LIMCH1: variants seen among roughly 807,000 people sequenced by gnomAD.
The protein encoded by LIMCH1 is LIM and calponin homology domains 1.
A neutral mutation model predicts 176.5 loss-of-function variants in LIMCH1; 113 were observed. The observed-to-expected ratio is 0.64, with a 90% CI of 0.55 to 0.75. LIMCH1 has a LOEUF of 0.75. Ranked by LOEUF, LIMCH1 falls within the 30% of genes least tolerant of loss-of-function variation. The pLI is 0.00. For missense variants in LIMCH1, 1,674 were observed against 1,814.9 expected, an observed-to-expected ratio of 0.92 and a Z score of 1.41; for synonymous variants, 619 against 645.9, an observed-to-expected ratio of 0.96 and a Z score of 0.63.
chr4:41,596,900 G>A (rs1424678217), intron 1 of LIMCH1, among the ~76,000 whole-genome samples: 1 of 152,124 alleles, frequency 6.6e-6, no homozygotes, highest in Non-Finnish European at 1.5e-5. Context: ...TACCCAGAAA[G>A]AAAACATCCT....
At chr4:41,590,168 C>G (rs4563532) in intron 1 of LIMCH1, among the ~76,000 whole-genome samples, 33,792 of 151,946 alleles carry the variant, frequency 0.22, 4,478 homozygotes, top group African/African-American at 0.36. Flanking sequence ...TCACGGCTCA[C>G]TTCAATTTCT....
At chr4:41,480,401 G>T (rs992113234) in intron 1 of LIMCH1, among the ~76,000 whole-genome samples, 2 of 152,134 alleles carry the variant, frequency 1.3e-5, no homozygotes, top group Non-Finnish European at 2.9e-5. Flanking sequence ...GAGGTCGAGA[G>T]ATCGAGACCA....
intron 1 of LIMCH1, among the ~76,000 whole-genome samples, chr4:41,421,770 T>C (rs1161989519): frequency 6.6e-6 from 1 of 152,144 alleles, no homozygotes; most frequent in Admixed American, 6.5e-5. Context: ...AAAAGATGAA[T>C]TAGCAATTCA....
intron 2 of LIMCH1, among the ~76,000 whole-genome samples, chr4:41,517,942 A>G (rs1051492911): frequency 1.3e-5 from 2 of 152,164 alleles, no homozygotes; most frequent in Admixed American, 6.6e-5. Flanking sequence ...TTTTGTGATC[A>G]TAGTTGCCTA....
At chr4:41,496,143 C>T (rs2072078338) in intron 2 of LIMCH1, among the ~76,000 whole-genome samples, 1 of 152,232 alleles carries the variant, frequency 6.6e-6, no homozygotes. Context: ...TGATCTAATT[C>T]ATGCAGACCA....
At position 41,638,964 on chromosome 4, in the gene LIMCH1, C is replaced by T; in HGVS notation, c.2123C>T (p.Ala708Val). Residue 708 changes from alanine (A) to valine (V), a missense_variant, in exon 14 of 32, where the codon GCA becomes GTA. Coordinates refer to ENST00000503057, the MANE Select transcript of LIMCH1 (RefSeq NM_001330672.2). The stretch of plus-strand genomic sequence containing the variant: ...CCGAGAACTCCTGTGTCTGATGACG[C>T]AGAGTAAGTTGCCTTGTATTTGTAG... Reference protein sequence around the residue: ...YGPRTPVSDDAESTSMFDMRC... With the variant: ...YGPRTPVSDDVESTSMFDMRC... 1 of 1,586,030 alleles carries T rather than the reference C, an allele frequency of 6.3e-7. No individual in the cohort carries two copies. Among genetic ancestry groups the T allele is most frequent in the Non-Finnish European group, 8.5e-7 (1 of 1,171,058 alleles).
chr4:41,551,213 GA>G (rs2080367448), intron 1 of LIMCH1: 2 of 152,176 alleles, frequency 1.3e-5, no homozygotes, highest in African/African-American at 4.8e-5. Context: ...GATGGACTGT[GA>G]GGGGAAATAT....
chr4:41,599,185 T>C, intron 2 of LIMCH1, 159 bp downstream of exon 2: 1 of 566,004 alleles, frequency 1.8e-6, no homozygotes, highest in Non-Finnish European at 3.2e-6. Flanking sequence ...TCACATTGAC[T>C]TTCCCTCTGT....
At position 41,699,815 on chromosome 4, in the gene LIMCH1, C is replaced by T. The variant is rs546808216; in HGVS notation, c.*2630C>T. On this transcript the variant is annotated 3_prime_UTR_variant, in exon 32 of 32. Coordinates refer to ENST00000503057, the MANE Select transcript of LIMCH1 (RefSeq NM_001330672.2). ...GCAATACATATTATAGTTATCTATACACAGTGTAAGATTTAACAAACTGAA... is the reference window on the plus strand; with the variant it reads ...GCAATACATATTATAGTTATCTATATACAGTGTAAGATTTAACAAACTGAA... The T allele has an allele frequency of 6.6e-6, 1 of 152,222 alleles. No homozygotes were observed. The highest frequency in any genetic ancestry group is 1.5e-5 in the Non-Finnish European group (1 of 68,014). 9.4% of individuals were successfully genotyped at this position (152,222 alleles called of 1,614,324 possible).
At chr4:41,438,566 T>G (rs992865837) in intron 1 of LIMCH1, among the ~76,000 whole-genome samples, 1 of 152,108 alleles carries the variant, frequency 6.6e-6, no homozygotes, top group Non-Finnish European at 1.5e-5. Flanking sequence ...CTTGAACTCC[T>G]GGCCTCAAGC....
Position 41,503,363 on chromosome 4 carries a change from G to A in LIMCH1, c.167+8757G>A, listed in dbSNP as rs902012153. ...CCCTACAACTGCCCTACTATTCCTGGAGAGTTGGGGAGGAAAGTTGCTCAA... is the reference window on the plus strand; with the variant it reads ...CCCTACAACTGCCCTACTATTCCTGAAGAGTTGGGGAGGAAAGTTGCTCAA... On this transcript the variant is annotated intron_variant, in intron 2 of 26. Transcript: ENST00000313860. Among the ~76,000 whole-genome samples the A allele has an allele frequency of 5.3e-5, 8 of 152,062 alleles. No homozygotes were observed. The East Asian group carries it at 1.4e-3, about 26-fold the overall frequency.
chr4:41,477,253 G>A (rs2067887902), intron 1 of LIMCH1, among the ~76,000 whole-genome samples: 1 of 152,142 alleles, frequency 6.6e-6, no homozygotes, highest in African/African-American at 2.4e-5. Context: ...AGCCCACTGA[G>A]CACTTTTGTG....
At chr4:41,691,079 G>A (rs1037008159) in intron 30 of LIMCH1, among the ~76,000 whole-genome samples, 1 of 152,144 alleles carries the variant, frequency 6.6e-6, no homozygotes, top group Non-Finnish European at 1.5e-5. Flanking sequence ...ATTCTCAAGG[G>A]TCAGGAGACT....
At chr4:41,437,997 C>A (rs1217230860) in intron 1 of LIMCH1, among the ~76,000 whole-genome samples, 1 of 152,186 alleles carries the variant, frequency 6.6e-6, no homozygotes, top group Admixed American at 6.5e-5. Flanking sequence ...GAATTTGTTA[C>A]TAAAATATCT....
intron 4 of LIMCH1, chr4:41,609,712 C>T (rs1221145582): frequency 2.2e-6 from 1 of 453,886 alleles, no homozygotes; most frequent in Non-Finnish European, 4.4e-6. Context: ...CCTTCATTAA[C>T]ATACTTTAAC....
At chr4:41,524,449 A>G in exon 3 of LIMCH1, 2 of 1,613,892 alleles carry the variant, frequency 1.2e-6, no homozygotes, top group Non-Finnish European at 1.7e-6. Context: ...TAAAAAGATC[A>G]ATAGATTGCC....
intron 1 of LIMCH1, among the ~76,000 whole-genome samples, chr4:41,482,591 A>C (rs986622299): frequency 6.6e-6 from 1 of 152,178 alleles, no homozygotes; most frequent in Non-Finnish European, 1.5e-5. Context: ...CAGTATGACA[A>C]TATTAGAATA....
At chr4:41,533,532 T>C (rs1316474884), upstream of LIMCH1, among the ~76,000 whole-genome samples, 2 of 152,208 alleles carry the variant, frequency 1.3e-5, no homozygotes, top group Non-Finnish European at 2.9e-5. Context: ...CCAAGGACTT[T>C]TTTCTAATTT....
intron 18 of LIMCH1, among the ~76,000 whole-genome samples, chr4:41,658,233 G>A (rs1048785138): frequency 1.3e-5 from 2 of 152,190 alleles, no homozygotes; most frequent in African/African-American, 2.4e-5. Flanking sequence ...TATGTGAGAC[G>A]ATTCTTATGA....
Sources: allele counts gnomAD v4.1 joint callset (sites outside exome capture counted in the v4.1 genomes callset), GRCh38; gene constraint gnomAD v4.1.1; transcripts MANE v1.5; gene names NCBI Gene and HGNC (gene_info 2026-07-23, HGNC 2026-07-21).